The following NEDD4L variants were observed in gnomAD, a reference collection of about 807,000 sequenced individuals.
NEDD4L encodes E3 ubiquitin-protein ligase NEDD4-like.
A neutral mutation model predicts 148.9 loss-of-function variants in NEDD4L; 54 were observed. The ratio of observed to expected loss-of-function variants is 0.36; its 90% CI spans 0.29 to 0.45. The LOEUF is 0.45. Among genes scored for constraint, NEDD4L ranks in the 20% least tolerant of loss-of-function variants. NEDD4L has a pLI of 1.00. For missense variants in NEDD4L, 856 were observed against 1,233.8 expected, an observed-to-expected ratio of 0.69 and a Z score of 4.59; for synonymous variants, 433 against 440.7, an observed-to-expected ratio of 0.98 and a Z score of 0.22.
intron 5 of NEDD4L, among the ~76,000 whole-genome samples, chr18:58,271,407 G>A (rs968706318): frequency 1.3e-5 from 2 of 152,126 alleles, no homozygotes; most frequent in African/African-American, 2.4e-5. Context: ...GAAGGTTTTC[G>A]TGGTTTATTC....
At chr18:58,159,005 G>C (rs1568304136) in intron 1 of NEDD4L, among the ~76,000 whole-genome samples, 1 of 152,086 alleles carries the variant, frequency 6.6e-6, no homozygotes, top group Non-Finnish European at 1.5e-5. Context: ...CTGCATTTTT[G>C]TTGAGTGTAT....
At chr18:58,074,018 C>G (rs1223421249) in intron 1 of NEDD4L, among the ~76,000 whole-genome samples, 1 of 152,194 alleles carries the variant, frequency 6.6e-6, no homozygotes, top group Non-Finnish European at 1.5e-5. Context: ...AGGATTTTCC[C>G]TGTCCACTGG....
intron 2 of NEDD4L, among the ~76,000 whole-genome samples, chr18:58,189,195 TC>T (rs1376377842): frequency 4.6e-5 from 7 of 152,204 alleles, no homozygotes; most frequent in African/African-American, 1.7e-4. Context: ...GCTGCCTTTC[TC>T]TCTGTCTGCT....
At chr18:58,209,980 A>G (rs1324103145) in intron 2 of NEDD4L, among the ~76,000 whole-genome samples, 1 of 152,154 alleles carries the variant, frequency 6.6e-6, no homozygotes, top group Non-Finnish European at 1.5e-5. Flanking sequence ...TAGCCTGACC[A>G]ACATGGAGAA....
In NEDD4L at chr18:58,261,210, A is replaced by G. The variant is rs570359045; in HGVS notation, c.297+9156A>G. Among the ~76,000 whole-genome samples the G allele has an allele frequency of 2.0e-5, 3 of 152,354 alleles. 1 individual carries two copies. The East Asian group carries it at 5.8e-4, about 29-fold the overall frequency. ...TCCCTAACACCAAATACAGTCTTGG[A>G]AAAGAATTGCTTCCTGAACTATGCA... On this transcript the variant is annotated intron_variant, in intron 5 of 30. Coordinates refer to ENST00000400345, the MANE Select transcript of NEDD4L (RefSeq NM_001144967.3).
intron 2 of NEDD4L, among the ~76,000 whole-genome samples, chr18:58,227,465 G>T (rs2044499758): frequency 1.3e-5 from 2 of 152,132 alleles, no homozygotes. Context: ...TTGTCTGCAG[G>T]TCACCTCATC....
intron 5 of NEDD4L, among the ~76,000 whole-genome samples, chr18:58,310,030 G>A (rs1159239737): frequency 1.3e-5 from 2 of 152,056 alleles, no homozygotes; most frequent in Non-Finnish European, 2.9e-5. Flanking sequence ...TCTCGCTCTC[G>A]CTCTCACTCT....
intron 8 of NEDD4L, 108 bp from the exon 9 acceptor site, chr18:58,324,888 C>A: frequency 9.7e-7 from 1 of 1,026,356 alleles, no homozygotes; most frequent in Non-Finnish European, 1.4e-6. Flanking sequence ...TGGCTAGAGC[C>A]AGAGAGCCCC....
At chr18:58,047,986 A>G (rs2144405001) in intron 1 of NEDD4L, among the ~76,000 whole-genome samples, 1 of 152,364 alleles carries the variant, frequency 6.6e-6, no homozygotes, top group African/African-American at 2.4e-5. Flanking sequence ...TATGACATTA[A>G]GTAATTTCGT....
chr18:58,255,989 C>T, intron 5 of NEDD4L: 1 of 1,230,790 alleles, frequency 8.1e-7, no homozygotes, highest in Non-Finnish European at 1.0e-6. Context: ...CGACGATGGG[C>T]CTCCATGCGC....
intron 27 of NEDD4L, 24 bp downstream of exon 27, chr18:58,387,522 A>G (rs1395898377): frequency 6.6e-7 from 1 of 1,512,694 alleles, no homozygotes; most frequent in Admixed American, 2.4e-5. Context: ...ACATTATTTT[A>G]TGTAAAGTGG....
intron 1 of NEDD4L, among the ~76,000 whole-genome samples, chr18:58,117,888 G>A (rs878884346): frequency 6.6e-6 from 1 of 152,202 alleles, no homozygotes; most frequent in South Asian, 2.1e-4. Context: ...AGTGCTGCCA[G>A]GAGAAGCTTC....
chr18:58,314,138 C>A (rs2058005259), intron 5 of NEDD4L, among the ~76,000 whole-genome samples: 1 of 152,098 alleles, frequency 6.6e-6, no homozygotes, highest in African/African-American at 2.4e-5. Flanking sequence ...AAAATCAGGC[C>A]AGGCATGGTG....
At chr18:58,347,367 TA>T (rs1205386930) in intron 16 of NEDD4L, among the ~76,000 whole-genome samples, 2 of 152,062 alleles carry the variant, frequency 1.3e-5, no homozygotes. Context: ...CAGCTTTCTC[TA>T]AATCTGGCAT....
chr18:58,169,107 T>G (rs1014163559), intron 2 of NEDD4L, among the ~76,000 whole-genome samples: 1 of 152,222 alleles, frequency 6.6e-6, no homozygotes, highest in Non-Finnish European at 1.5e-5. Flanking sequence ...AGGTGGCCCC[T>G]TCCCCCTTGA....
chr18:58,251,517 G>A (rs1172740192), intron 4 of NEDD4L, among the ~76,000 whole-genome samples: 1 of 151,742 alleles, frequency 6.6e-6, no homozygotes, highest in African/African-American at 2.4e-5. Context: ...GTCTGTCTCT[G>A]TCTGTCTGTC....
chr18:58,222,968 A>C (rs1315620699), intron 2 of NEDD4L, among the ~76,000 whole-genome samples: 6 of 152,046 alleles, frequency 3.9e-5, no homozygotes, highest in African/African-American at 1.4e-4. Flanking sequence ...TGCTGGCCCC[A>C]GGCTGGTGAG....
intron 1 of NEDD4L, among the ~76,000 whole-genome samples, chr18:58,089,922 C>A (rs529665522): frequency 6.6e-6 from 1 of 151,792 alleles, no homozygotes; most frequent in African/African-American, 2.4e-5. Context: ...TCACTGCAAC[C>A]TCCATCTCCC....
chr18:58,343,721 A>G (rs1428020449), intron 16 of NEDD4L, among the ~76,000 whole-genome samples: 1 of 152,274 alleles, frequency 6.6e-6, no homozygotes, highest in Non-Finnish European at 1.5e-5. Context: ...TACCCAAGAA[A>G]GAATCTGTAC....
Sources: gnomAD v4.1 joint callset for allele counts (sites outside exome capture counted in the v4.1 genomes callset) on GRCh38, gnomAD v4.1.1 for gene constraint, MANE v1.5 for transcripts, NCBI Gene and HGNC (gene_info 2026-07-23, HGNC 2026-07-21) for gene names.